The following MUC5AC variants were observed in gnomAD, a reference collection of about 807,000 sequenced individuals.
MUC5AC encodes the protein mucin 5AC, oligomeric mucus/gel-forming, also known as mucin-5AC.
Under a neutral mutation model 169.7 loss-of-function variants are expected in MUC5AC, and 158 were observed. That is an observed-to-expected ratio of 0.93 (90% CI 0.82 to 1.06). The LOEUF (loss-of-function observed/expected upper bound fraction) is 1.06, where lower values mean the gene tolerates loss of function less well. MUC5AC is among the 50% of genes least tolerant of loss of function. The pLI, the probability that MUC5AC is intolerant of heterozygous loss-of-function variation, is 0.00. For missense variants in MUC5AC, 4,359 were observed against 3,089.9 expected (o/e 1.41, Z -9.74); for synonymous variants, 1,975 against 1,237.0 (o/e 1.60, Z -12.52).
chr11:1,195,755 C>T lies in MUC5AC; in HGVS notation c.15459-121C>T, dbSNP rs911723272. 5.2e-4 allele frequency: 310 copies of T among 596,558 alleles called. 1 individual carries two copies. The highest frequency in any genetic ancestry group is 4.5e-4 in the Non-Finnish European group (146 of 325,666). The allele number at this position is 596,558 out of a possible 1,614,324, so 37.0% of individuals were successfully genotyped here. On this transcript the variant is annotated intron_variant, in intron 36 of 48. Transcript: ENST00000621226. ...CCGGGGATACAGGAGGGCGGCCACA[C>T]ACCAGTGGCTGCTCTGGGACTCGCC...
In MUC5AC at chr11:1,190,407, A is replaced by C; in HGVS notation, c.12262A>C (p.Arg4088=). 3.0e-6 allele frequency: 2 copies of C among 661,826 alleles called. No individual in the cohort carries two copies. Among genetic ancestry groups the C allele is most frequent in the Admixed American group, 2.2e-5 (1 of 46,066 alleles). The allele number at this position is 661,826 out of a possible 1,614,324, so 41.0% of individuals were successfully genotyped here. ...GAGCACTTCCTCTTGGCAGAAATCCAGGACAACCACTTTGGTGACAACCAG... is the reference window on the plus strand; with the variant it reads ...GAGCACTTCCTCTTGGCAGAAATCCCGGACAACCACTTTGGTGACAACCAG... ...TQSTSSWQKS[R]TTTLVTTSTT... The change falls in exon 31 of 49, where the codon AGG becomes CGG. Residue 4088 remains arginine, a synonymous_variant. Transcript: ENST00000621226.
intron 6 of MUC5AC, 22 bp downstream of exon 6, chr11:1,163,067 AGCCCCTTCCTCAGT>A: frequency 6.2e-7 from 1 of 1,605,572 alleles, no homozygotes; most frequent in Non-Finnish European, 8.5e-7. Context: ...CATCGCCCTC[AGCCCCTTCCTCAGT>A]GTCCCCTGGG....
intron 3 of MUC5AC, 74 bp from the exon 4 acceptor site, chr11:1,161,833 T>G (rs1590132573): frequency 6.5e-7 from 1 of 1,531,130 alleles, no homozygotes; most frequent in East Asian, 2.4e-5. Context: ...GGGCAGGAGG[T>G]ACAGGGCAGA....
In MUC5AC at chr11:1,168,421, T is replaced by TG. The variant is rs1244309141; in HGVS notation, c.1498-62_1498-61insG. ...GCACCTGCAGGCACATTTCACAGCC[T>TG]CCGCGGGGCTGAGGTGCCGCAAGCC... On this transcript the variant is annotated intron_variant, in intron 12 of 48. Transcript: ENST00000621226. 2.6e-5 allele frequency: 40 copies of TG among 1,520,290 alleles called. No homozygotes were observed. The Middle Eastern group carries it at 5.1e-4, about 19-fold the overall frequency. The allele number at this position is 1,520,290 out of a possible 1,614,324, so 94.2% of individuals were successfully genotyped here. A position where few individuals can be genotyped will look rare whatever the true frequency, so the allele number is the denominator to read the frequency against.
Position 1,175,078 on chromosome 11 carries a change from C to T in MUC5AC, c.2289C>T (p.Cys763=). 2 of 399,502 alleles carry T rather than the reference C, an allele frequency of 5.0e-6. No individual in the cohort carries two copies. The highest frequency in any genetic ancestry group is 7.1e-5 in the East Asian group (2 of 28,072). The allele number at this position is 399,502 out of a possible 1,614,324, so 24.7% of individuals were successfully genotyped here. The change falls in exon 18 of 49, where the codon TGC becomes TGT. Residue 763 remains cysteine, a synonymous_variant. Transcript: ENST00000621226. ...GKCVQASNCP[C]YHRGSMIPNG... is the part of the protein sequence containing the mutation. ...GTGTGCAGGCCAGCAACTGTCCCTG[C>T]TACCACAGAGGCTCCATGATCCCCA...
rs1174661660 is a variant in MUC5AC, at chr11:1,191,429, C to A, written c.13284C>A (p.Ala4428=). 2 of 709,662 alleles carry A rather than the reference C, an allele frequency of 2.8e-6. No homozygotes were observed. The highest frequency in any genetic ancestry group is 1.9e-5 in the African/African-American group (1 of 52,470). 44.0% of individuals were successfully genotyped at this position (709,662 alleles called of 1,614,324 possible). A position where few individuals can be genotyped will look rare whatever the true frequency, so the allele number is the denominator to read the frequency against. Residue 4428 remains alanine, a synonymous_variant, in exon 31 of 49, where the codon GCC becomes GCA. Transcript: ENST00000621226. Reference sequence around the variant, plus strand: ...CTCCTACAACCAGAACAACCCCTGCCTCTACAGCCAGCACAACCTCTGGTC... The same window carrying A: ...CTCCTACAACCAGAACAACCCCTGCATCTACAGCCAGCACAACCTCTGGTC... The part of the protein sequence containing the change: ...TSAPTTRTTP[A]STASTTSGPG...
intron 3 of MUC5AC, 53 bp downstream of exon 3, chr11:1,161,639 C>T: frequency 1.9e-6 from 3 of 1,559,960 alleles, no homozygotes; most frequent in Non-Finnish European, 2.6e-6. Flanking sequence ...TTGCTGAGCT[C>T]CCCGCTCAGG....
In MUC5AC at chr11:1,164,311, A is replaced by G. The variant is rs1180112665; in HGVS notation, c.995A>G (p.Asp332Gly). 29 of 1,611,974 alleles carry G rather than the reference A, an allele frequency of 1.8e-5. No individual in the cohort carries two copies. Among genetic ancestry groups the G allele is most frequent in the Non-Finnish European group, 2.5e-5 (29 of 1,179,808 alleles). ...TTGCCCCAGGACTGGCGGGGCCCTGACTTCTGCCGTGAGTGTCCCAGCCCC... is the reference window on the plus strand; with the variant it reads ...TTGCCCCAGGACTGGCGGGGCCCTGGCTTCTGCCGTGAGTGTCCCAGCCCC... The part of the protein sequence containing the change: ...GGLPQDWRGP[D>G]FCPQKCPNNM... Residue 332 changes from aspartate (D) to glycine (G), a missense_variant, in exon 8 of 49, where the codon GAC becomes GGC. Asp to Gly is a moderately conservative substitution (Grantham distance 94). Coordinates refer to ENST00000621226, the MANE Select transcript of MUC5AC (RefSeq NM_001304359.2).
intron 9 of MUC5AC, 87 bp downstream of exon 9, chr11:1,164,619 C>G: frequency 6.8e-7 from 1 of 1,475,874 alleles, no homozygotes; most frequent in South Asian, 1.4e-5. Flanking sequence ...GAAGAAGGAC[C>G]CCAGTCCTAG....
rs1282019673 is a variant in MUC5AC at position 1,181,152 on chromosome 11, C to T, written c.3790C>T (p.Arg1264Cys). ...KNCQSCLCTE[R>C]GVECTYKAEA... is the part of the protein sequence containing the mutation. ...CCTTGTCTCCAGCCTTTGTACGGAG[C>T]GCGGCGTGGAGTGCACCTACAAAGC... is the stretch of plus-strand genomic sequence containing the variant. Residue 1264 changes from arginine to cysteine, a missense_variant, in exon 29 of 49, where the codon CGC becomes TGC. Arg to Cys is a radical substitution (Grantham distance 180). Transcript: ENST00000621226. The T allele has an allele frequency of 2.8e-5, 11 of 398,442 alleles. No homozygotes were observed. The highest frequency in any genetic ancestry group is 8.8e-5 in the Admixed American group (2 of 22,720). The allele number at this position is 398,442 out of a possible 1,614,324, so 24.7% of individuals were successfully genotyped here.
intron 15 of MUC5AC, among the ~76,000 whole-genome samples, chr11:1,170,866 C>T (rs1460291151): frequency 2.0e-4 from 29 of 148,118 alleles, no homozygotes; most frequent in Admixed American, 1.0e-3. Context: ...ACCATTCACT[C>T]GCCTATTCGC....
Position 1,186,576 on chromosome 11 carries a change from A to G in MUC5AC, c.8431A>G (p.Ser2811Gly), listed in dbSNP as rs2133758925. ...CAGCACAACTTCTGCCCCTATAAGC[A>G]GCACAACTTCCACACCACAGACCAG... ...ITSTTSAPIS[S>G]TTSTPQTSTT... Residue 2811 changes from serine to glycine, a missense_variant, in exon 31 of 49, where the codon AGC becomes GGC. Transcript: ENST00000621226. 1.4e-6 allele frequency: 1 copy of G among 706,202 alleles called. No individual in the cohort carries two copies. Among genetic ancestry groups the G allele is most frequent in the East Asian group, 2.7e-5 (1 of 37,552 alleles). The allele number at this position is 706,202 out of a possible 1,614,324, so 43.7% of individuals were successfully genotyped here.
At chr11:1,198,418 C>T (rs982113907) in intron 43 of MUC5AC, 113 bp downstream of exon 43, 34 of 684,330 alleles carry the variant, frequency 5.0e-5, no homozygotes, top group Non-Finnish European at 6.7e-5. Context: ...GCCAGGGACT[C>T]GAGTCTCTGC....
rs1231637921 is a variant in MUC5AC, at chr11:1,185,944, C to T, written c.7799C>T (p.Pro2600Leu). The T allele has an allele frequency of 2.7e-6, 2 of 741,506 alleles. No individual in the cohort carries two copies. Among genetic ancestry groups the T allele is most frequent in the Middle Eastern group, 2.3e-4 (1 of 4,428 alleles). The allele number at this position is 741,506 out of a possible 1,614,324, so 45.9% of individuals were successfully genotyped here. The change falls in exon 31 of 49, where the codon CCC (proline) becomes CTC (leucine). Residue 2600 changes from proline (P) to leucine (L), a missense_variant. By Grantham distance (98) the Pro-to-Leu change is moderately conservative. Transcript: ENST00000621226. ...SGPGTTPSAV[P>L]TTSITSAPTT... The stretch of plus-strand genomic sequence containing the variant: ...CCTGGAACTACTCCCAGTGCTGTTC[C>T]CACCACCAGCATAACCTCTGCACCT...
Position 1,164,412 on chromosome 11 carries a change from A to C in MUC5AC, c.1009A>C (p.Lys337Gln), listed in dbSNP as rs1413139499. ...CCTCTCTCTGCCTCCCGCAGCCCAGAAGTGCCCCAACAACATGCAGTACCA... is the reference window on the plus strand; with the variant it reads ...CCTCTCTCTGCCTCCCGCAGCCCAGCAGTGCCCCAACAACATGCAGTACCA... ...DWRGPDFCPQ[K>Q]CPNNMQYHEC... The change falls in exon 9 of 49, where the codon AAG (lysine) becomes CAG (glutamine). Residue 337 changes from lysine (K) to glutamine (Q), a missense_variant. Transcript: ENST00000621226. 6.2e-7 allele frequency: 1 copy of C among 1,612,328 alleles called. No homozygotes were observed. Among genetic ancestry groups the C allele is most frequent in the South Asian group, 1.1e-5 (1 of 91,026 alleles).
intron 37 of MUC5AC, 115 bp downstream of exon 37, chr11:1,196,169 G>A: frequency 1.6e-6 from 1 of 624,450 alleles, no homozygotes; most frequent in South Asian, 1.8e-5. Flanking sequence ...GGAGGAGGGG[G>A]CAGCCCCAGG....
intron 46 of MUC5AC, 72 bp from the exon 47 acceptor site, chr11:1,199,623 A>G: frequency 7.2e-6 from 5 of 697,910 alleles, no homozygotes; most frequent in South Asian, 4.5e-5. Flanking sequence ...GCCTGGCCCC[A>G]TGTCCCCATC....
intron 11 of MUC5AC, among the ~76,000 whole-genome samples, chr11:1,167,073 C>T (rs1423710636): frequency 2.4e-5 from 2 of 84,332 alleles, no homozygotes; most frequent in African/African-American, 9.7e-5. Flanking sequence ...GCACCCAACA[C>T]ACAGTCTCCC....
chr11:1,191,985 G>A lies in MUC5AC; in HGVS notation c.13840G>A (p.Val4614Ile), dbSNP rs760860269. 1.3e-6 allele frequency: 1 copy of A among 765,162 alleles called. No homozygotes were observed. Among genetic ancestry groups the A allele is most frequent in the Non-Finnish European group, 2.4e-6 (1 of 417,910 alleles). The allele number at this position is 765,162 out of a possible 1,614,324, so 47.4% of individuals were successfully genotyped here. A position where few individuals can be genotyped will look rare whatever the true frequency, so the allele number is the denominator to read the frequency against. The change falls in exon 31 of 49, where the codon GTA becomes ATA. Residue 4614 changes from valine to isoleucine, a missense_variant. Coordinates refer to ENST00000621226, the MANE Select transcript of MUC5AC (RefSeq NM_001304359.2). Reference sequence around the variant, plus strand: ...AAAGACCAGCACAAGCCATCTTTCTGTATCCAAGACAACCCACTCCCAACC... The same window carrying A: ...AAAGACCAGCACAAGCCATCTTTCTATATCCAAGACAACCCACTCCCAACC... The part of the protein sequence containing the change: ...VSKTSTSHLS[V>I]SKTTHSQPVT...
Sources: allele counts gnomAD v4.1 joint callset (sites outside exome capture counted in the v4.1 genomes callset), GRCh38; gene constraint gnomAD v4.1.1; transcripts MANE v1.5; gene names NCBI Gene and HGNC (gene_info 2026-07-23, HGNC 2026-07-21).